Variants in WWOX observed in about 807,000 individuals in gnomAD.
WWOX encodes the protein WW domain containing oxidoreductase, also known as WW domain-containing oxidoreductase.
WWOX carries 69 observed loss-of-function variants against 46.2 expected under a neutral mutation model. The ratio of observed to expected loss-of-function variants is 1.49; its 90% CI spans 1.23 to 1.82. The LOEUF is 1.82. WWOX is among the 40% of genes most tolerant of loss of function. The pLI is 0.00. For missense variants in WWOX, 919 were observed against 542.6 expected, an observed-to-expected ratio of 1.69 and a Z score of -6.89; for synonymous variants, 359 against 202.6, an observed-to-expected ratio of 1.77 and a Z score of -6.56.
chr16:78,361,499 T>C (rs2081409284), intron 5 of WWOX, among the ~76,000 whole-genome samples: 1 of 152,222 alleles, frequency 6.6e-6, no homozygotes, highest in Non-Finnish European at 1.5e-5. Context: ...CCTGCAGCAG[T>C]GTTTACCATG....
chr16:79,052,470 G>C (rs897707535), intron 8 of WWOX, among the ~76,000 whole-genome samples: 1 of 152,178 alleles, frequency 6.6e-6, no homozygotes, highest in Admixed American at 6.5e-5. Flanking sequence ...CTGCTATAAA[G>C]ACACATGCAC....
chr16:78,861,485 C>G (rs764235293), intron 8 of WWOX, among the ~76,000 whole-genome samples: 1 of 152,146 alleles, frequency 6.6e-6, no homozygotes, highest in Non-Finnish European at 1.5e-5. Flanking sequence ...TTATCTCTCT[C>G]CACCCACTTC....
intron 4 of WWOX, among the ~76,000 whole-genome samples, chr16:78,160,377 G>A (rs1048429085): frequency 6.6e-6 from 1 of 151,990 alleles, no homozygotes; most frequent in Non-Finnish European, 1.5e-5. Context: ...CACCCGCCTC[G>A]GCCACCCCGA....
At chr16:78,800,401 T>C (rs1368056029) in intron 8 of WWOX, among the ~76,000 whole-genome samples, 1 of 152,172 alleles carries the variant, frequency 6.6e-6, no homozygotes, top group East Asian at 1.9e-4. Flanking sequence ...CGTTATATAA[T>C]ATCTGCAGGC....
intron 8 of WWOX, among the ~76,000 whole-genome samples, chr16:78,675,981 A>G (rs142485401): frequency 2.0e-5 from 3 of 152,212 alleles, no homozygotes; most frequent in African/African-American, 7.2e-5. Flanking sequence ...TCAATCCAAG[A>G]TTTTAGTGGA....
intron 8 of WWOX, among the ~76,000 whole-genome samples, chr16:78,604,503 C>T (rs1040435747): frequency 3.9e-5 from 6 of 152,090 alleles, no homozygotes; most frequent in Non-Finnish European, 7.4e-5. Context: ...AAAACTTTCA[C>T]CATTCTTTTG....
chr16:78,792,821 C>G (rs2050639513), intron 8 of WWOX, among the ~76,000 whole-genome samples: 1 of 152,128 alleles, frequency 6.6e-6, no homozygotes, highest in African/African-American at 2.4e-5. Flanking sequence ...GCAGGGAGCT[C>G]TGATTGTCCA....
At chr16:78,697,168 G>A (rs945222030) in intron 8 of WWOX, among the ~76,000 whole-genome samples, 2 of 152,104 alleles carry the variant, frequency 1.3e-5, no homozygotes, top group African/African-American at 4.8e-5. Context: ...CTTTTCCTCT[G>A]GGAAGATACC....
chr16:78,799,664 CAT>C (rs2142645938), intron 8 of WWOX, among the ~76,000 whole-genome samples: 1 of 152,252 alleles, frequency 6.6e-6, no homozygotes, highest in African/African-American at 2.4e-5. Flanking sequence ...TGGCACTTTG[CAT>C]ACTGACCTTT....
chr16:79,185,912 G>A (rs918782612), intron 8 of WWOX, among the ~76,000 whole-genome samples: 12 of 151,954 alleles, frequency 7.9e-5, no homozygotes, highest in Admixed American at 5.9e-4. Context: ...GGAAAAATAC[G>A]GTAAGGCATA....
intron 8 of WWOX, chr16:78,897,554 A>G (rs918740564): frequency 2.0e-5 from 3 of 152,164 alleles, no homozygotes; most frequent in South Asian, 2.1e-4. Context: ...ATACACCACA[A>G]TTCGCTTATC....
At chr16:78,756,717 A>C (rs2049657917) in intron 8 of WWOX, among the ~76,000 whole-genome samples, 2 of 152,124 alleles carry the variant, frequency 1.3e-5, no homozygotes, top group Non-Finnish European at 2.9e-5. Context: ...ACCATATCTA[A>C]TTTTAAGGTG....
chr16:79,005,083 G>C (rs1229739611), intron 8 of WWOX, among the ~76,000 whole-genome samples: 1 of 152,202 alleles, frequency 6.6e-6, no homozygotes, highest in African/African-American at 2.4e-5. Context: ...CATGGATGCA[G>C]TCAGTCCTCA....
intron 5 of WWOX, among the ~76,000 whole-genome samples, chr16:78,347,649 T>C (rs111824346): frequency 8.2e-6 from 1 of 122,230 alleles, no homozygotes; most frequent in South Asian, 2.4e-4. Context: ...CTTGAAAATA[T>C]GCTTCACTTT....
At chr16:79,133,965 A>AGATCCTGGCTCAC (rs2049933193) in intron 8 of WWOX, among the ~76,000 whole-genome samples, 3 of 152,176 alleles carry the variant, frequency 2.0e-5, no homozygotes, top group Non-Finnish European at 4.4e-5. Flanking sequence ...CAAGAAGAAA[A>AGATCCTGGCTCAC]ATTTAAGGAG....
At chr16:79,076,583 A>G (rs145625955) in intron 8 of WWOX, among the ~76,000 whole-genome samples, 5 of 152,168 alleles carry the variant, frequency 3.3e-5, no homozygotes. Flanking sequence ...ACCTCAGCCT[A>G]TCCAGGCCCC....
At chr16:78,163,407 A>G (rs2034862466) in intron 4 of WWOX, among the ~76,000 whole-genome samples, 1 of 152,172 alleles carries the variant, frequency 6.6e-6, no homozygotes, top group Admixed American at 6.5e-5. Flanking sequence ...TGGTGTGTTT[A>G]CCGTGGCCCT....
intron 8 of WWOX, among the ~76,000 whole-genome samples, chr16:79,034,317 C>G (rs910234583): frequency 7.9e-5 from 12 of 152,188 alleles, no homozygotes; most frequent in Admixed American, 7.2e-4. Flanking sequence ...CAATAACTTT[C>G]CTGACATCCA....
chr16:78,883,724 AAAAAAAAAAAAG>A (rs1026284566), intron 8 of WWOX, among the ~76,000 whole-genome samples: 2 of 124,680 alleles, frequency 1.6e-5, no homozygotes, highest in Non-Finnish European at 3.3e-5. Flanking sequence ...ACTCTGTCTC[AAAAAAAAAAAAG>A]AAAAAAAAAG....
Sources: allele counts gnomAD v4.1 joint callset (sites outside exome capture counted in the v4.1 genomes callset), GRCh38; gene constraint gnomAD v4.1.1; transcripts MANE v1.5; gene names NCBI Gene and HGNC (gene_info 2026-07-23, HGNC 2026-07-21).